HYDIN: variants seen among roughly 807,000 people sequenced by gnomAD.
HYDIN encodes axonemal central pair apparatus protein HYDIN.
HYDIN carries 132 observed loss-of-function variants against 403.9 expected under a neutral mutation model. The ratio of observed to expected loss-of-function variants is 0.33; its 90% confidence interval spans 0.28 to 0.38. The LOEUF is 0.38. HYDIN is among the 10% of genes least tolerant of loss of function. HYDIN has a pLI of 1.00. For synonymous variants in HYDIN, 1,202 were observed against 1,891.7 expected (o/e 0.64, Z 9.46); for missense variants, 2,827 against 5,009.5 (o/e 0.56, Z 13.15).
intron 1 of HYDIN, among the ~76,000 whole-genome samples, chr16:71,211,567 G>A (rs557939551): frequency 2.6e-5 from 4 of 150,976 alleles, no homozygotes; most frequent in African/African-American, 9.7e-5. Context: ...GCTTGAACCC[G>A]GGAGGCGGAG....
intron 77 of HYDIN, 35 bp downstream of exon 77, chr16:70,837,655 G>A (rs2037524115): frequency 1.2e-6 from 2 of 1,612,560 alleles, no homozygotes; most frequent in Admixed American, 1.7e-5. Flanking sequence ...AGAAAGGAGG[G>A]TGCCACGCCT....
At chr16:71,139,095 G>GAAAAAAAAAA (rs71758936) in intron 7 of HYDIN, among the ~76,000 whole-genome samples, 4 of 103,814 alleles carry the variant, frequency 3.9e-5, no homozygotes, top group African/African-American at 4.7e-5. Context: ...AAATAAAGAA[G>GAAAAAAAAAA]AAAAAAAAAA....
At chr16:71,163,161 C>T (rs1222792974) in intron 5 of HYDIN, among the ~76,000 whole-genome samples, 3 of 138,952 alleles carry the variant, frequency 2.2e-5, no homozygotes, top group Non-Finnish European at 3.0e-5. Flanking sequence ...CTCGCTCTGT[C>T]GCCCAGGCTG....
chr16:71,199,373 T>A (rs1298814847), intron 1 of HYDIN, among the ~76,000 whole-genome samples: 3 of 152,160 alleles, frequency 2.0e-5, no homozygotes, highest in Non-Finnish European at 4.4e-5. Context: ...CCCAAAGAGA[T>A]GGGGGTTCAC....
At chr16:71,173,848 T>C (rs938686535) in intron 5 of HYDIN, among the ~76,000 whole-genome samples, 21 of 152,306 alleles carry the variant, frequency 1.4e-4, no homozygotes, top group Admixed American at 1.3e-4. Flanking sequence ...GATACAACGA[T>C]ACTTATCCAA....
chr16:70,978,727 T>G (rs1306627602), intron 30 of HYDIN, among the ~76,000 whole-genome samples, 187 bp downstream of exon 30: 2 of 152,174 alleles, frequency 1.3e-5, no homozygotes, highest in Admixed American at 1.3e-4. Flanking sequence ...TTCTTTGCCT[T>G]ATCTCTGTCT....
chr16:70,812,438 T>TAGAAATAAGCCTAATAAAA (rs2035567024), intron 84 of HYDIN, among the ~76,000 whole-genome samples: 1 of 152,146 alleles, frequency 6.6e-6, no homozygotes, highest in African/African-American at 2.4e-5. Flanking sequence ...GCAGTGAGCC[T>TAGAAATAAGCCTAATAAAA]GATCACACCA....
At chr16:70,951,193 C>T (rs373187633) in intron 41 of HYDIN, among the ~76,000 whole-genome samples, 2 of 150,986 alleles carry the variant, frequency 1.3e-5, no homozygotes, top group African/African-American at 4.9e-5. Context: ...AAAGACTGTG[C>T]CACTGCACTC....
intron 21 of HYDIN, 123 bp from the exon 22 acceptor site, chr16:71,020,440 G>A (rs2144124965): frequency 1.5e-6 from 2 of 1,353,012 alleles, no homozygotes; most frequent in South Asian, 1.5e-5. Context: ...TTGTGTGTGT[G>A]TGTGTGTGTA....
In HYDIN at chr16:70,807,790, G is replaced by T; in HGVS notation, c.15156C>A (p.Phe5052Leu). Residue 5052 changes from phenylalanine (F) to leucine (L), a missense_variant, in exon 86 of 86, where the codon TTC becomes TTA. Phe to Leu is a conservative substitution (Grantham distance 22, BLOSUM62 0). Coordinates refer to ENST00000393567, the MANE Select transcript of HYDIN (RefSeq NM_001270974.2). The stretch of plus-strand genomic sequence containing the variant: ...AGGCTGGGTTATCCACGATGATGGA[G>T]AAGGTCACCATGTGATAGAAGACAT... ...FKNVFYHMVT[F>L]SIIVDNPAFT... is the part of the protein sequence containing the mutation. 3 of 1,614,218 alleles carry T rather than the reference G, an allele frequency of 1.9e-6. No individual in the cohort carries two copies. The highest frequency in any genetic ancestry group is 2.5e-6 in the Non-Finnish European group (3 of 1,180,046).
intron 1 of HYDIN, among the ~76,000 whole-genome samples, chr16:71,224,808 G>C (rs1273620317): frequency 6.6e-6 from 1 of 151,878 alleles, no homozygotes; most frequent in Non-Finnish European, 1.5e-5. Flanking sequence ...TGATCCGCCC[G>C]CCTCGGCCTC....
intron 13 of HYDIN, 112 bp downstream of exon 13, chr16:71,079,773 T>C (rs2082725775): frequency 5.2e-6 from 3 of 572,232 alleles, no homozygotes; most frequent in Admixed American, 3.0e-5. Context: ...GTCCTTGTGC[T>C]GGACTTCCTA....
At position 70,874,825 on chromosome 16, in the gene HYDIN, T is replaced by C. The variant is rs200877304; in HGVS notation, c.10652A>G (p.His3551Arg). The change falls in exon 63 of 86, where the codon CAT (histidine) becomes CGT (arginine). Residue 3551 changes from histidine (H) to arginine (R), a missense_variant. By Grantham distance (29) the His-to-Arg change is conservative. Transcript: ENST00000393567. ...YIYITEENKPHVKAKKAHTAS... is the reference protein window; with the variant it reads ...YIYITEENKPRVKAKKAHTAS... ...ACCCTCCCCACACTTACCTTTTACA[T>C]GTGGTTTATTTTCCTCTGTGATGTA... 1.7e-3 allele frequency: 2,708 copies of C among 1,613,632 alleles called. 13 individuals are homozygous for C. The highest frequency in any genetic ancestry group is 5.8e-3 in the Middle Eastern group (35 of 6,060).
rs2037721012 is a variant in HYDIN at position 70,840,203 on chromosome 16, T to C, written c.12904A>G (p.Ile4302Val). 3 of 988,986 alleles carry C rather than the reference T, an allele frequency of 3.0e-6. No homozygotes were observed. The highest frequency in any genetic ancestry group is 5.2e-5 in the Admixed American group (2 of 38,326). The allele number at this position is 988,986 out of a possible 1,614,324, so 61.3% of individuals were successfully genotyped here. ...GCCGGGCTCACAGCACAGCCTGAGATGTTGCACATAAATGTTGGACCATGG... is the reference window on the plus strand; with the variant it reads ...GCCGGGCTCACAGCACAGCCTGAGACGTTGCACATAAATGTTGGACCATGG... ...ISHGPTFMCN[I>V]SGCAVSPAIH... is the part of the protein sequence containing the mutation. The change falls in exon 76 of 86, where the codon ATC becomes GTC. Residue 4302 changes from isoleucine to valine, a missense_variant. Transcript: ENST00000393567.
At chr16:70,831,090 TG>T (rs1257345891) in intron 80 of HYDIN, among the ~76,000 whole-genome samples, 1 of 150,680 alleles carries the variant, frequency 6.6e-6, no homozygotes, top group African/African-American at 2.5e-5. Context: ...CGAGCTACTG[TG>T]TCCAGCCTAA....
At chr16:71,200,780 G>C (rs865800251) in intron 1 of HYDIN, among the ~76,000 whole-genome samples, 4 of 152,168 alleles carry the variant, frequency 2.6e-5, no homozygotes, top group Non-Finnish European at 5.9e-5. Context: ...CTTTCAGAAA[G>C]AGTCTTGATC....
chr16:70,885,359 GAAT>G (rs2041067058), intron 58 of HYDIN, among the ~76,000 whole-genome samples: 1 of 140,080 alleles, frequency 7.1e-6, no homozygotes, highest in Non-Finnish European at 1.5e-5. Context: ...ACTATTTACA[GAAT>G]ACCTACTATG....
chr16:71,130,437 C>A (rs2084657674), intron 8 of HYDIN, among the ~76,000 whole-genome samples: 1 of 148,246 alleles, frequency 6.7e-6, no homozygotes. Context: ...TAGTGCAGTT[C>A]CTGGGACAAA....
chr16:71,219,265 A>G (rs2089062734), intron 1 of HYDIN, among the ~76,000 whole-genome samples: 1 of 152,192 alleles, frequency 6.6e-6, no homozygotes, highest in South Asian at 2.1e-4. Context: ...CTTTACATTC[A>G]GGACATTTTA....
Sources: gnomAD v4.1 joint callset for allele counts (sites outside exome capture counted in the v4.1 genomes callset) on GRCh38, gnomAD v4.1.1 for gene constraint, MANE v1.5 for transcripts, NCBI Gene and HGNC (gene_info 2026-07-23, HGNC 2026-07-21) for gene names.